The following DYNC2H1 variants were observed in gnomAD, a reference collection of about 807,000 sequenced individuals.
DYNC2H1 encodes cytoplasmic dynein 2 heavy chain 1.
In DYNC2H1, 410 loss-of-function variants were observed where a neutral mutation model predicts 570.0. The ratio of observed to expected loss-of-function variants is 0.72; its 90% CI spans 0.66 to 0.78. The LOEUF is 0.78. Ranked by LOEUF, DYNC2H1 falls within the 30% of genes least tolerant of loss-of-function variation. The probability of loss-of-function intolerance (pLI) is 0.00; values close to 1 mark genes in which losing one functional copy is unlikely to be tolerated. For missense variants in DYNC2H1, 4,865 were observed against 5,046.4 expected, an observed-to-expected ratio of 0.96 and a Z score of 1.09; for synonymous variants, 1,688 against 1,677.6, an observed-to-expected ratio of 1.01 and a Z score of -0.15.
chr11:103,313,694 T>C (rs904252645), intron 79 of DYNC2H1, among the ~76,000 whole-genome samples: 1 of 152,182 alleles, frequency 6.6e-6, no homozygotes, highest in Non-Finnish European at 1.5e-5. Context: ...AGAGTAACAA[T>C]CATATTTACC....
At chr11:103,336,254 T>C (rs1939119986) in intron 82 of DYNC2H1, among the ~76,000 whole-genome samples, 1 of 152,216 alleles carries the variant, frequency 6.6e-6, no homozygotes, top group African/African-American at 2.4e-5. Flanking sequence ...AATTGCAGTA[T>C]CCATCGCCTC....
Position 103,168,776 on chromosome 11 carries a change from A to G in DYNC2H1, c.4784A>G (p.Lys1595Arg), listed in dbSNP as rs928212478. The G allele has an allele frequency of 3.1e-6, 5 of 1,612,952 alleles. No homozygotes were observed. Among genetic ancestry groups the G allele is most frequent in the Non-Finnish European group, 4.2e-6 (5 of 1,179,456 alleles). The change falls in exon 32 of 89, where the codon AAA (lysine) becomes AGA (arginine). Residue 1595 changes from lysine to arginine, a missense_variant. By Grantham distance (26) the Lys-to-Arg change is conservative (BLOSUM62 2). This residue lies in a region of DYNC2H1 where 1,936 missense variants were observed against 1,962.1 expected (regional missense o/e 0.99). Coordinates refer to ENST00000375735, the MANE Select transcript of DYNC2H1 (RefSeq NM_001377.3). Reference sequence around the variant, plus strand: ...CTAGAATCGGGCATCCTGGAGCTTAAACTTAAAGCCCTAATTCTTGACATT... The same window carrying G: ...CTAGAATCGGGCATCCTGGAGCTTAGACTTAAAGCCCTAATTCTTGACATT... ...GNTESGILEL[K>R]LKALILDIIH...
intron 50 of DYNC2H1, among the ~76,000 whole-genome samples, chr11:103,202,948 A>G (rs1331544505): frequency 1.3e-5 from 2 of 152,022 alleles, no homozygotes; most frequent in African/African-American, 4.8e-5. Flanking sequence ...ATTCATCATC[A>G]TGATTTGGCC....
At position 103,256,336 on chromosome 11, in the gene DYNC2H1, T is replaced by C. The variant is rs12294076; in HGVS notation, c.10461+96T>C. The C allele has an allele frequency of 0.013, 16,417 of 1,250,336 alleles. 1,759 individuals carry two copies. The African/African-American group carries it at 0.23, about 17-fold the overall frequency. 77.5% of individuals were successfully genotyped at this position (1,250,336 alleles called of 1,614,324 possible). ...TAGAATCAGGTCCTCAGGGGAAAGA[T>C]GATGTGAAAAGAAAAAAGCTATTCA... is the stretch of plus-strand genomic sequence containing the variant. On this transcript the variant is annotated intron_variant, in intron 68 of 88. Transcript: ENST00000375735. This position sits in a 1 kb window ranked among gnomAD's most constrained non-coding sequence, Gnocchi z 4.0.
chr11:103,359,502 T>C (rs1189569781), intron 83 of DYNC2H1, among the ~76,000 whole-genome samples: 1 of 152,158 alleles, frequency 6.6e-6, no homozygotes, highest in Non-Finnish European at 1.5e-5. Context: ...ACATACCTTC[T>C]TTGTAATTCT....
At chr11:103,213,084 C>T (rs2135125872) in intron 54 of DYNC2H1, among the ~76,000 whole-genome samples, 1 of 152,232 alleles carries the variant, frequency 6.6e-6, no homozygotes, top group Non-Finnish European at 1.5e-5. Context: ...TTTTCATGTA[C>T]ATCCCTGGGT....
At chr11:103,250,249 T>A (rs938741274) in intron 65 of DYNC2H1, among the ~76,000 whole-genome samples, 4 of 152,102 alleles carry the variant, frequency 2.6e-5, no homozygotes, top group Admixed American at 2.6e-4. Flanking sequence ...TGATGTTTCA[T>A]TTTTCCTGAT....
At chr11:103,131,878 T>C (rs140967498) in intron 13 of DYNC2H1, among the ~76,000 whole-genome samples, 138 of 152,320 alleles carry the variant, frequency 9.1e-4, no homozygotes, top group Admixed American at 2.2e-3. Context: ...TCTTTAGTTT[T>C]CAGAAGTTTA....
At chr11:103,111,731 C>T (rs1233491422) in intron 1 of DYNC2H1, among the ~76,000 whole-genome samples, 3 of 151,854 alleles carry the variant, frequency 2.0e-5, no homozygotes, top group African/African-American at 7.3e-5. Context: ...TAAAGCCCAA[C>T]GATGTATCTG....
chr11:103,141,692 C>G (rs567441470), intron 17 of DYNC2H1, among the ~76,000 whole-genome samples: 1 of 152,196 alleles, frequency 6.6e-6, no homozygotes, highest in African/African-American at 2.4e-5. Context: ...GCAGTCTGCC[C>G]GTTCTCAGAT....
rs1200520640 is a variant in DYNC2H1 at position 103,243,795 on chromosome 11, T to A, written c.9918+4T>A. On this transcript the variant is annotated splice_donor_region_variant and intron_variant, in intron 64 of 88. Coordinates refer to ENST00000375735, the MANE Select transcript of DYNC2H1 (RefSeq NM_001377.3). The surrounding 1 kb of genome is among the most constrained non-coding windows in gnomAD (Gnocchi z 4.8). ...TTTAGAAGTTATCAATCAGCAGGTA[T>A]GTATTATTTATAATTTACATACCAA... The A allele has an allele frequency of 1.3e-6, 2 of 1,567,464 alleles. No homozygotes were observed. The highest frequency in any genetic ancestry group is 1.7e-6 in the Non-Finnish European group (2 of 1,152,818).
chr11:103,239,347 G>T lies in DYNC2H1; in HGVS notation c.9819+2808G>T, dbSNP rs555653899. ...CTTTAAAGTTAACTTCTCCACATAG[G>T]AAAAAGTTTTTCAATCCTTACATAA... On this transcript the variant is annotated intron_variant, in intron 63 of 88. Coordinates refer to ENST00000375735, the MANE Select transcript of DYNC2H1 (RefSeq NM_001377.3). The surrounding 1 kb of genome is among the most constrained non-coding windows in gnomAD (Gnocchi z 4.3). 4.6e-5 allele frequency among the ~76,000 whole-genome samples: 7 copies of T among 152,120 alleles called. No homozygotes were observed. In the South Asian group the frequency reaches 1.5e-3, roughly 32 times the overall value.
At chr11:103,458,450 C>T (rs1163720974) in intron 87 of DYNC2H1, among the ~76,000 whole-genome samples, 1 of 151,862 alleles carries the variant, frequency 6.6e-6, no homozygotes, top group African/African-American at 2.4e-5. Flanking sequence ...TGACTGTATT[C>T]CAAAATTCAA....
intron 22 of DYNC2H1, 61 bp from the exon 23 acceptor site, chr11:103,154,390 T>A (rs1591327021): frequency 1.4e-6 from 2 of 1,419,692 alleles, no homozygotes; most frequent in African/African-American, 2.9e-5. Flanking sequence ...AACTTAATGA[T>A]ACTTAACAGT....
chr11:103,131,846 T>A (rs1859292190), intron 13 of DYNC2H1, among the ~76,000 whole-genome samples: 1 of 152,186 alleles, frequency 6.6e-6, no homozygotes, highest in Non-Finnish European at 1.5e-5. Flanking sequence ...TTGGCTCCAT[T>A]CAAGATTTCA....
intron 34 of DYNC2H1, among the ~76,000 whole-genome samples, chr11:103,171,667 T>C (rs1284997480): frequency 6.6e-6 from 1 of 152,218 alleles, no homozygotes; most frequent in Non-Finnish European, 1.5e-5. Context: ...AGTGCCTTAA[T>C]GTATTGTCTC....
chr11:103,305,695 C>T lies in DYNC2H1; in HGVS notation c.11382+975C>T, dbSNP rs1867252661. 7.1e-6 allele frequency among the ~76,000 whole-genome samples: 1 copy of T among 140,088 alleles called. No individual in the cohort carries two copies. Among genetic ancestry groups the T allele is most frequent in the South Asian group, 2.3e-4 (1 of 4,444 alleles). 91.9% of individuals were successfully genotyped at this position (140,088 alleles called of 152,430 possible). On this transcript the variant is annotated intron_variant, in intron 77 of 88. Coordinates refer to ENST00000375735, the MANE Select transcript of DYNC2H1 (RefSeq NM_001377.3). The surrounding 1 kb of genome is among the most constrained non-coding windows in gnomAD (Gnocchi z 4.3). ...CTCTGCAGTCCTAATTAATTGGCAA[C>T]TACACACTTCCACAAATAGTCAGTA...
At position 103,255,513 on chromosome 11, in the gene DYNC2H1, G is replaced by A. The variant is rs938214766; in HGVS notation, c.10305G>A (p.Lys3435=). ...QEEDKKIQLA[K]LEESLLETLA... Reference sequence around the variant, plus strand: ...AAGATAAGAAAATACAGCTAGCCAAGCTCGAAGAATCTCTTCTAGAGGTAA... The same window carrying A: ...AAGATAAGAAAATACAGCTAGCCAAACTCGAAGAATCTCTTCTAGAGGTAA... Residue 3435 remains lysine (K), a synonymous_variant, in exon 67 of 89, where the codon AAG becomes AAA. Transcript: ENST00000375735. 5.1e-6 allele frequency: 8 copies of A among 1,557,066 alleles called. No individual in the cohort carries two copies. Among genetic ancestry groups the A allele is most frequent in the East Asian group, 2.4e-5 (1 of 41,830 alleles).
chr11:103,312,014 G>T lies in DYNC2H1; in HGVS notation c.11630G>T (p.Arg3877Ile), dbSNP rs760580551. 4 of 1,611,600 alleles carry T rather than the reference G, an allele frequency of 2.5e-6. No individual in the cohort carries two copies. Among genetic ancestry groups the T allele is most frequent in the Non-Finnish European group, 3.4e-6 (4 of 1,179,216 alleles). ...LAWFHAACQE[R>I]RNYIPQGWTK... is the part of the protein sequence containing the mutation. Reference sequence around the variant, plus strand: ...TGGTTTCATGCTGCATGTCAAGAAAGAAGAAACTATATTCCTCAGGTAAGT... The same window carrying T: ...TGGTTTCATGCTGCATGTCAAGAAATAAGAAACTATATTCCTCAGGTAAGT... The change falls in exon 79 of 89, where the codon AGA becomes ATA. Residue 3877 changes from arginine (R) to isoleucine (I), a missense_variant. Coordinates refer to ENST00000375735, the MANE Select transcript of DYNC2H1 (RefSeq NM_001377.3).
Sources: gnomAD v4.1 joint callset for allele counts (sites outside exome capture counted in the v4.1 genomes callset) on GRCh38, gnomAD v4.1.1 for gene constraint, gnomAD v4.1.1 regional missense constraint, Gnocchi (gnomAD v3.1) non-coding constraint, MANE v1.5 for transcripts, NCBI Gene and HGNC (gene_info 2026-07-23, HGNC 2026-07-21) for gene names.